POLE4: variants seen among roughly 807,000 people sequenced by gnomAD.
The protein encoded by POLE4 is DNA polymerase epsilon subunit 4.
POLE4 carries 15 observed loss-of-function variants against 15.6 expected under a neutral mutation model. The ratio of observed to expected loss-of-function variants is 0.96; its 90% CI spans 0.64 to 1.48. POLE4 has a LOEUF of 1.48. Among genes scored for constraint, POLE4 ranks in the 40% most tolerant of loss-of-function variants. The pLI, the probability that POLE4 is intolerant of heterozygous loss-of-function variation, is 0.00. For missense variants in POLE4, 205 were observed against 151.9 expected (o/e 1.35, Z -1.84); for synonymous variants, 83 against 63.2 (o/e 1.31, Z -1.49).
chr2:74,963,591 C>G (rs909847079), intron 3 of POLE4, among the ~76,000 whole-genome samples: 1 of 152,102 alleles, frequency 6.6e-6, no homozygotes, highest in Non-Finnish European at 1.5e-5. Context: ...GCAGCCCCCC[C>G]TCCCACGTTC....
chr2:74,960,071 A>G, intron 2 of POLE4, 34 bp from the exon 3 acceptor site: 2 of 1,602,868 alleles, frequency 1.2e-6, no homozygotes, highest in South Asian at 2.2e-5. Context: ...GCATGGCTGA[A>G]GTTAGTCAGG....
chr2:74,965,819 CTTTAGTTAGTA>C (rs1328946319), intron 3 of POLE4, among the ~76,000 whole-genome samples: 2 of 152,100 alleles, frequency 1.3e-5, no homozygotes, highest in Non-Finnish European at 1.5e-5. Flanking sequence ...TATCAGCTTT[CTTTAGTTAGTA>C]TTTATTTGCA....
Position 74,958,757 on chromosome 2 carries a change from G to A in POLE4, c.78G>A (p.Gln26=). ...EGPAGEAAAS[Q]PQAPTSVPGA... is the part of the protein sequence containing the mutation. ...CTGCTGGGGAGGCAGCGGCCTCGCA[G>A]CCCCAGGCCCCAACGAGTGTGCCTG... The change falls in exon 1 of 4, where the codon CAG becomes CAA. Residue 26 remains glutamine, a synonymous_variant. Coordinates refer to ENST00000483063, the MANE Select transcript of POLE4 (RefSeq NM_019896.4). 1 of 1,535,814 alleles carries A rather than the reference G, an allele frequency of 6.5e-7. No individual in the cohort carries two copies. The highest frequency in any genetic ancestry group is 8.8e-7 in the Non-Finnish European group (1 of 1,140,800).
intron 1 of POLE4, 187 bp from the exon 2 acceptor site, chr2:74,959,152 AAT>A (rs1278634582): frequency 5.2e-5 from 32 of 613,512 alleles, no homozygotes; most frequent in Non-Finnish European, 5.9e-6. Context: ...GTCTTTAGTG[AAT>A]GAGGGAGAAT....
chr2:74,961,450 G>T (rs1414256140), intron 3 of POLE4: 1 of 152,156 alleles, frequency 6.6e-6, no homozygotes, highest in Non-Finnish European at 1.5e-5. Context: ...ACCTAAGGCA[G>T]GCACTCCTTG....
In POLE4 at chr2:74,959,363, C is replaced by A. The variant is rs1200832448; in HGVS notation, c.236C>A (p.Ala79Glu). ...RAAELFVETI[A>E]KDAYCCAQQG... Reference sequence around the variant, plus strand: ...CAGGAACTGTTTGTGGAGACCATTGCAAAAGATGCCTACTGTTGCGCTCAG... The same window carrying A: ...CAGGAACTGTTTGTGGAGACCATTGAAAAAGATGCCTACTGTTGCGCTCAG... The change falls in exon 2 of 4, where the codon GCA becomes GAA. Residue 79 changes from alanine (A) to glutamate (E), a missense_variant. Coordinates refer to ENST00000483063, the MANE Select transcript of POLE4 (RefSeq NM_019896.4). 1 of 1,613,674 alleles carries A rather than the reference C, an allele frequency of 6.2e-7. No individual in the cohort carries two copies. Among genetic ancestry groups the A allele is most frequent in the Non-Finnish European group, 8.5e-7 (1 of 1,179,610 alleles).
intron 3 of POLE4, among the ~76,000 whole-genome samples, chr2:74,963,997 G>A (rs1241050349): frequency 6.9e-6 from 1 of 145,552 alleles, no homozygotes; most frequent in East Asian, 1.9e-4. Context: ...TTCTGTATAT[G>A]CTAAAATCTT....
Position 74,959,043 on chromosome 2 carries a change from C to G in POLE4, c.213+151C>G. On this transcript the variant is annotated intron_variant, in intron 1 of 3. Transcript: ENST00000483063. ...GAAGGCGGAGGAAAGGGGCCGGGGA[C>G]CTGTGCGAGTTTTGTTAACACTCCT... 5.7e-6 allele frequency: 4 copies of G among 696,308 alleles called. No individual in the cohort carries two copies. The South Asian group carries it at 7.6e-5, about 13-fold the overall frequency. The allele number at this position is 696,308 out of a possible 1,614,324, so 43.1% of individuals were successfully genotyped here.
intron 3 of POLE4, chr2:74,961,007 G>C (rs1203169500): frequency 6.0e-6 from 1 of 166,628 alleles, no homozygotes; most frequent in Non-Finnish European, 1.3e-5. Context: ...TAAGTGTGTA[G>C]TAGGCTATAC....
Position 74,958,718 on chromosome 2 carries a change from AGAG to A in POLE4, c.47_49del (p.Glu16del), listed in dbSNP as rs1322272477. The stretch of plus-strand genomic sequence containing the variant: ...CGGCGGCAGGAAGCGGGACGCCCCG[AGAG>A]GAGGAGGGACCTGCTGGGGAGGCAG... On this transcript the variant is annotated inframe_deletion, in exon 1 of 4. Coordinates refer to ENST00000483063, the MANE Select transcript of POLE4 (RefSeq NM_019896.4). 8 of 1,495,426 alleles carry A rather than the reference AGAG, an allele frequency of 5.3e-6. No homozygotes were observed. Among genetic ancestry groups the A allele is most frequent in the Admixed American group, 5.1e-5 (2 of 39,148 alleles). The allele number at this position is 1,495,426 out of a possible 1,614,324, so 92.6% of individuals were successfully genotyped here. A position where few individuals can be genotyped will look rare whatever the true frequency, so the allele number is the denominator to read the frequency against.
chr2:74,961,453 A>T (rs2103675111), intron 3 of POLE4: 1 of 152,234 alleles, frequency 6.6e-6, no homozygotes, highest in Admixed American at 6.5e-5. Context: ...TAAGGCAGGC[A>T]CTCCTTGTGA....
At chr2:74,964,295 T>C (rs150369347) in intron 3 of POLE4, among the ~76,000 whole-genome samples, 1 of 152,346 alleles carries the variant, frequency 6.6e-6, no homozygotes, top group East Asian at 1.9e-4. Context: ...TGTTTTTTTC[T>C]AAGTATCTTT....
chr2:74,959,866 C>T (rs1327617405), intron 2 of POLE4: 1 of 507,816 alleles, frequency 2.0e-6, no homozygotes, highest in East Asian at 3.1e-5. Flanking sequence ...TTTAGGAGGC[C>T]CCCAACCCCC....
chr2:74,968,811 A>G (rs1249072121), intron 3 of POLE4, among the ~76,000 whole-genome samples: 2 of 151,884 alleles, frequency 1.3e-5, no homozygotes, highest in Non-Finnish European at 2.9e-5. Context: ...TCTTTTAGGC[A>G]TATGGGCCTC....
At chr2:74,960,282 AAAG>A (rs1671197088) in intron 3 of POLE4, 136 bp downstream of exon 3, 1 of 767,684 alleles carries the variant, frequency 1.3e-6, no homozygotes, top group Admixed American at 2.3e-5. Flanking sequence ...AGGATAGAAA[AAAG>A]TAACTTGCTA....
At chr2:74,968,291 T>C (rs1020628300) in intron 3 of POLE4, among the ~76,000 whole-genome samples, 2 of 152,214 alleles carry the variant, frequency 1.3e-5, no homozygotes, top group African/African-American at 4.8e-5. Flanking sequence ...TTTCTTATGT[T>C]TTTATTTTCC....
chr2:74,968,535 C>T (rs1197208264), intron 3 of POLE4, among the ~76,000 whole-genome samples: 9 of 151,792 alleles, frequency 5.9e-5, no homozygotes, highest in Non-Finnish European at 1.2e-4. Context: ...ATGCAGAATG[C>T]TTTGCTGTGG....
intron 3 of POLE4, among the ~76,000 whole-genome samples, chr2:74,966,490 C>T (rs188821322): frequency 9.1e-4 from 138 of 152,304 alleles, no homozygotes; most frequent in Middle Eastern, 6.8e-3. Flanking sequence ...CAACCTCTGC[C>T]TCCTGGGTTC....
chr2:74,959,146 T>C, intron 1 of POLE4, 195 bp from the exon 2 acceptor site: 3 of 612,660 alleles, frequency 4.9e-6, no homozygotes, highest in Non-Finnish European at 8.8e-6. Context: ...GTAGGAGTCT[T>C]TAGTGAATGA....
Sources: allele counts gnomAD v4.1 joint callset (sites outside exome capture counted in the v4.1 genomes callset), GRCh38; gene constraint gnomAD v4.1.1; transcripts MANE v1.5; gene names NCBI Gene and HGNC (gene_info 2026-07-23, HGNC 2026-07-21).